MLLT10: variants seen among roughly 807,000 people sequenced by gnomAD.
MLLT10 encodes MLLT10 histone lysine methyltransferase DOT1L cofactor.
A neutral mutation model predicts 129.1 loss-of-function variants in MLLT10; 30 were observed. That is an observed-to-expected ratio of 0.23 (90% CI 0.17 to 0.32). The LOEUF (loss-of-function observed/expected upper bound fraction) is 0.32, where lower values mean the gene tolerates loss of function less well. Among genes scored for constraint, MLLT10 ranks in the 10% least tolerant of loss-of-function variants. The pLI is 1.00. For missense variants in MLLT10, 1,119 were observed against 1,268.3 expected (o/e 0.88, Z 1.79); for synonymous variants, 490 against 446.4 (o/e 1.10, Z -1.23).
intron 13 of MLLT10, among the ~76,000 whole-genome samples, chr10:21,693,586 A>G (rs2054087043): frequency 6.6e-6 from 1 of 152,072 alleles, no homozygotes; most frequent in South Asian, 2.1e-4. Context: ...TATTTTTGTG[A>G]TATGTCTATG....
chr10:21,629,695 T>C (rs532141528), intron 8 of MLLT10, among the ~76,000 whole-genome samples: 2 of 152,362 alleles, frequency 1.3e-5, no homozygotes, highest in Admixed American at 1.3e-4. Flanking sequence ...TTATGTTCTT[T>C]GGATTTAGCA....
At chr10:21,567,112 C>T (rs2039674240) in intron 3 of MLLT10, among the ~76,000 whole-genome samples, 1 of 152,200 alleles carries the variant, frequency 6.6e-6, no homozygotes, top group East Asian at 1.9e-4. Flanking sequence ...CGAGCCCGGC[C>T]TTGGTATCTT....
rs2056891945 is a variant in MLLT10, at chr10:21,718,234, T to C, written c.1878+4284T>C. Among the ~76,000 whole-genome samples the C allele has an allele frequency of 3.9e-5, 6 of 152,162 alleles. 1 individual carries two copies. In the South Asian group the frequency reaches 1.2e-3, roughly 32 times the overall value. ...GAGTAATGGCTCTTTCACAAATAAT[T>C]GATAGGAAGCCTGCTTTACTACATA... On this transcript the variant is annotated intron_variant, in intron 14 of 22. Coordinates refer to ENST00000307729, the MANE Select transcript of MLLT10 (RefSeq NM_001195626.3).
At chr10:21,583,030 C>T (rs976733001) in intron 3 of MLLT10, among the ~76,000 whole-genome samples, 4 of 152,128 alleles carry the variant, frequency 2.6e-5, no homozygotes, top group Admixed American at 6.5e-5. Flanking sequence ...GTTAGCTGGA[C>T]GTGGTGGCAC....
At chr10:21,576,890 T>C (rs2040823098) in intron 3 of MLLT10, among the ~76,000 whole-genome samples, 2 of 151,984 alleles carry the variant, frequency 1.3e-5, no homozygotes, top group Admixed American at 1.3e-4. Flanking sequence ...CTCGGCCTCC[T>C]AAAGTGCTGG....
intron 14 of MLLT10, among the ~76,000 whole-genome samples, chr10:21,714,174 G>T (rs1344496853): frequency 1.3e-5 from 2 of 152,094 alleles, no homozygotes; most frequent in African/African-American, 2.4e-5. Context: ...TAATTTCTGG[G>T]TTTTAAATTT....
At chr10:21,563,295 G>A (rs552095073) in intron 3 of MLLT10, among the ~76,000 whole-genome samples, 10 of 152,160 alleles carry the variant, frequency 6.6e-5, no homozygotes, top group South Asian at 2.1e-4. Flanking sequence ...AGGCTGAGGC[G>A]GGTGGGTCAC....
intron 3 of MLLT10, among the ~76,000 whole-genome samples, chr10:21,581,889 A>G (rs563986298): frequency 3.2e-4 from 49 of 152,274 alleles, no homozygotes; most frequent in African/African-American, 1.0e-3. Flanking sequence ...TACAACTACT[A>G]TAGACTTTAT....
At chr10:21,708,431 T>G (rs1043929653) in intron 13 of MLLT10, among the ~76,000 whole-genome samples, 4 of 152,304 alleles carry the variant, frequency 2.6e-5, no homozygotes, top group African/African-American at 9.6e-5. Flanking sequence ...GAATTTAAGG[T>G]GGATGTTGTA....
chr10:21,645,003 C>G (rs1238367382), intron 8 of MLLT10, among the ~76,000 whole-genome samples: 1 of 152,156 alleles, frequency 6.6e-6, no homozygotes, highest in Non-Finnish European at 1.5e-5. Flanking sequence ...ACTTTTCTTC[C>G]TCTCGCCTTC....
chr10:21,688,561 G>A (rs2053523966), intron 13 of MLLT10: 2 of 1,601,330 alleles, frequency 1.2e-6, no homozygotes, highest in East Asian at 2.2e-5. Context: ...CTCCAGCATG[G>A]TTCTAAACAT....
chr10:21,576,054 G>T lies in MLLT10; in HGVS notation c.241-10240G>T, dbSNP rs143287942. On this transcript the variant is annotated intron_variant, in intron 3 of 22. Transcript: ENST00000307729. ...CAGTTCACCTGTTTCAGCCACCCTA[G>T]TAGCTGGGACTATAGGTGTGTGCCA... 3.3e-5 allele frequency among the ~76,000 whole-genome samples: 5 copies of T among 151,990 alleles called. No individual in the cohort carries two copies. In the East Asian group the frequency reaches 9.7e-4, roughly 29 times the overall value.
intron 11 of MLLT10, among the ~76,000 whole-genome samples, chr10:21,675,448 G>A (rs2051991421): frequency 6.6e-6 from 1 of 152,184 alleles, no homozygotes; most frequent in Non-Finnish European, 1.5e-5. Flanking sequence ...AATGTGTCCA[G>A]AGGACTAAAA....
At chr10:21,594,789 G>A (rs1385904392) in intron 4 of MLLT10, among the ~76,000 whole-genome samples, 1 of 150,356 alleles carries the variant, frequency 6.7e-6, no homozygotes, top group East Asian at 1.9e-4. Flanking sequence ...AGCCGAGATC[G>A]CGCCATTGCA....
intron 3 of MLLT10, among the ~76,000 whole-genome samples, chr10:21,554,426 G>A (rs914894524): frequency 6.6e-5 from 10 of 151,134 alleles, no homozygotes; most frequent in Non-Finnish European, 8.8e-5. Context: ...TTATGGGCGT[G>A]CCACTACTCC....
At chr10:21,658,471 G>A (rs2049834574) in intron 9 of MLLT10, among the ~76,000 whole-genome samples, 1 of 152,150 alleles carries the variant, frequency 6.6e-6, no homozygotes, top group African/African-American at 2.4e-5. Flanking sequence ...TGTGTGTATG[G>A]ATATACTATA....
At chr10:21,601,226 G>A (rs1262167199) in intron 5 of MLLT10, among the ~76,000 whole-genome samples, 3 of 152,134 alleles carry the variant, frequency 2.0e-5, no homozygotes, top group African/African-American at 4.8e-5. Context: ...AATTACAAGC[G>A]TGAGCCACCA....
At chr10:21,649,058 C>G (rs1400631965) in intron 8 of MLLT10, among the ~76,000 whole-genome samples, 2 of 152,124 alleles carry the variant, frequency 1.3e-5, no homozygotes, top group Non-Finnish European at 2.9e-5. Flanking sequence ...TATTAACTTA[C>G]AAAAATCCTA....
At chr10:21,642,898 C>T (rs1340365861) in intron 8 of MLLT10, among the ~76,000 whole-genome samples, 1 of 152,058 alleles carries the variant, frequency 6.6e-6, no homozygotes, top group Non-Finnish European at 1.5e-5. Context: ...TATGTCTAGT[C>T]ACTATTTGGC....
Sources: gnomAD v4.1 joint callset for allele counts (sites outside exome capture counted in the v4.1 genomes callset) on GRCh38, gnomAD v4.1.1 for gene constraint, MANE v1.5 for transcripts, NCBI Gene and HGNC (gene_info 2026-07-23, HGNC 2026-07-21) for gene names.